LARGE1: variants seen among roughly 807,000 people sequenced by gnomAD.
The protein encoded by LARGE1 is LARGE xylosyl- and glucuronyltransferase 1.
LARGE1 carries 43 observed loss-of-function variants against 87.6 expected under a neutral mutation model. That is an observed-to-expected ratio of 0.49 (90% CI 0.38 to 0.63). LARGE1 has a LOEUF of 0.63. Ranked by LOEUF, LARGE1 falls within the 30% of genes least tolerant of loss-of-function variation. The pLI is 0.00. For synonymous variants in LARGE1, 434 were observed against 394.6 expected (o/e 1.10, Z -1.18); for missense variants, 802 against 1,000.2 (o/e 0.80, Z 2.67).
intron 5 of LARGE1, among the ~76,000 whole-genome samples, chr22:33,589,462 ATCT>A (rs2078773899): frequency 6.7e-6 from 1 of 149,022 alleles, no homozygotes; most frequent in Non-Finnish European, 1.5e-5. Flanking sequence ...GAGGTTTGCC[ATCT>A]TCTTATATAT....
At chr22:33,678,731 C>A (rs1385764130) in intron 2 of LARGE1, among the ~76,000 whole-genome samples, 1 of 152,186 alleles carries the variant, frequency 6.6e-6, no homozygotes, top group African/African-American at 2.4e-5. Flanking sequence ...GACACACCCT[C>A]CACGAATGAG....
chr22:33,545,862 G>C (rs2077348088), intron 6 of LARGE1, among the ~76,000 whole-genome samples: 1 of 152,190 alleles, frequency 6.6e-6, no homozygotes, highest in Non-Finnish European at 1.5e-5. Context: ...TGGATTACAG[G>C]CGTGAGCCAT....
At chr22:33,283,969 G>A (rs1931019484) in intron 12 of LARGE1, among the ~76,000 whole-genome samples, 2 of 152,102 alleles carry the variant, frequency 1.3e-5, no homozygotes, top group South Asian at 4.2e-4. Flanking sequence ...AAGATGGGGA[G>A]CCCTGGGAGG....
intron 1 of LARGE1, among the ~76,000 whole-genome samples, chr22:33,839,778 G>T (rs1388776178): frequency 6.6e-6 from 1 of 152,188 alleles, no homozygotes; most frequent in Non-Finnish European, 1.5e-5. Flanking sequence ...AATAAGAAAA[G>T]CGATTATTAA....
At chr22:33,456,533 T>A (rs1343351240) in intron 6 of LARGE1, among the ~76,000 whole-genome samples, 3 of 152,234 alleles carry the variant, frequency 2.0e-5, no homozygotes, top group Non-Finnish European at 2.9e-5. Context: ...TCCTTTTTGC[T>A]TTTTGTCTTT....
At chr22:33,141,511 T>C in the LARGE1 span, among the ~76,000 whole-genome samples, 1 of 152,064 alleles carries the variant, frequency 6.6e-6, no homozygotes, top group South Asian at 2.1e-4. Context: ...TAGTTACAGT[T>C]ATATACGTAT....
chr22:33,630,930 G>A (rs1481855176), intron 3 of LARGE1, among the ~76,000 whole-genome samples: 1 of 150,986 alleles, frequency 6.6e-6, no homozygotes, highest in African/African-American at 2.4e-5. Flanking sequence ...TCGGCTTACT[G>A]CAACTTCTGC....
chr22:33,548,960 A>T (rs1291936734), intron 6 of LARGE1, among the ~76,000 whole-genome samples: 1 of 152,206 alleles, frequency 6.6e-6, no homozygotes, highest in Non-Finnish European at 1.5e-5. Context: ...CCTAAAATTC[A>T]TCAGGAGGCA....
intron 6 of LARGE1, among the ~76,000 whole-genome samples, chr22:33,551,760 T>C (rs889610060): frequency 6.6e-6 from 1 of 152,170 alleles, no homozygotes; most frequent in Non-Finnish European, 1.5e-5. Context: ...AATAGCTGTG[T>C]CTGCAATCAA....
intron 7 of LARGE1, among the ~76,000 whole-genome samples, chr22:33,400,000 A>T (rs1004440695): frequency 2.0e-5 from 3 of 152,210 alleles, no homozygotes; most frequent in Non-Finnish European, 4.4e-5. Flanking sequence ...ACAGTAAATG[A>T]TAAGAAAAAC....
chr22:33,651,896 G>A (rs756612829), intron 2 of LARGE1, among the ~76,000 whole-genome samples: 38 of 152,240 alleles, frequency 2.5e-4, no homozygotes, highest in Admixed American at 5.2e-4. Flanking sequence ...AGGCACGGCC[G>A]CGTGTGGTGG....
intron 11 of LARGE1, among the ~76,000 whole-genome samples, chr22:33,247,233 T>C (rs1432951075): frequency 6.6e-6 from 1 of 152,226 alleles, no homozygotes; most frequent in Non-Finnish European, 1.5e-5. Context: ...AATATTTCTT[T>C]GTGATTTAAT....
chr22:33,622,940 T>G (rs113263916), intron 4 of LARGE1, among the ~76,000 whole-genome samples: 101 of 152,344 alleles, frequency 6.6e-4, no homozygotes, highest in African/African-American at 2.1e-3. Flanking sequence ...ACAGTTACTG[T>G]AGGAGTAAAA....
chr22:33,235,644 C>G (rs185988897), intron 11 of LARGE1, among the ~76,000 whole-genome samples: 117 of 152,292 alleles, frequency 7.7e-4, no homozygotes, highest in African/African-American at 2.7e-3. Context: ...CCTTCCCCTA[C>G]GTGTAGCCTC....
At chr22:33,469,896 T>C (rs929906729) in intron 6 of LARGE1, among the ~76,000 whole-genome samples, 1 of 146,252 alleles carries the variant, frequency 6.8e-6, no homozygotes, top group Non-Finnish European at 1.5e-5. Context: ...CTTTTTTTTT[T>C]TTTTTTTTTC....
chr22:33,917,684 T>TA (rs2065827189), intron 1 of LARGE1, among the ~76,000 whole-genome samples: 1 of 152,190 alleles, frequency 6.6e-6, no homozygotes, highest in Non-Finnish European at 1.5e-5. Flanking sequence ...CTTAAATACT[T>TA]AGAGATTATA....
At chr22:33,512,037 G>C (rs1293067448) in intron 6 of LARGE1, among the ~76,000 whole-genome samples, 1 of 152,056 alleles carries the variant, frequency 6.6e-6, no homozygotes, top group African/African-American at 2.4e-5. Flanking sequence ...TCTTAAAAAA[G>C]TCCTGTAAAA....
At chr22:33,187,204 G>A (rs2146181668) in intron 11 of LARGE1, among the ~76,000 whole-genome samples, 1 of 152,292 alleles carries the variant, frequency 6.6e-6, no homozygotes, top group African/African-American at 2.4e-5. Context: ...GTTCATTGCA[G>A]CATCACTCAC....
At chr22:33,765,847 C>T (rs990952851) in intron 1 of LARGE1, among the ~76,000 whole-genome samples, 2 of 151,906 alleles carry the variant, frequency 1.3e-5, no homozygotes, top group African/African-American at 4.8e-5. Flanking sequence ...TACTTACTTT[C>T]CTCTTTTCCT....
Sources: allele counts gnomAD v4.1 joint callset (sites outside exome capture counted in the v4.1 genomes callset), GRCh38; gene constraint gnomAD v4.1.1; transcripts MANE v1.5; gene names NCBI Gene and HGNC (gene_info 2026-07-23, HGNC 2026-07-21).